Variants in DNAH12 observed in about 807,000 individuals in gnomAD.
DNAH12 encodes axonemal beta dynein heavy chain 12.
DNAH12 carries 285 observed loss-of-function variants against 371.5 expected under a neutral mutation model. That is an observed-to-expected ratio of 0.77 (90% confidence interval 0.70 to 0.85). The LOEUF (loss-of-function observed/expected upper bound fraction) is 0.85. DNAH12 is among the 40% of genes least tolerant of loss of function. The pLI is 0.00. For synonymous variants in DNAH12, 1,200 were observed against 1,213.0 expected (o/e 0.99, Z 0.22); for missense variants, 3,611 against 3,689.4 (o/e 0.98, Z 0.55).
At chr3:57,480,098 T>C (rs373309514) in intron 13 of DNAH12, among the ~76,000 whole-genome samples, 2 of 151,612 alleles carry the variant, frequency 1.3e-5, no homozygotes, top group South Asian at 2.1e-4. Flanking sequence ...AATAGAGACA[T>C]AAAAAACCCT....
intron 66 of DNAH12, among the ~76,000 whole-genome samples, chr3:57,312,131 GA>G (rs1425608736): frequency 1.3e-5 from 2 of 152,030 alleles, no homozygotes; most frequent in African/African-American, 4.8e-5. Flanking sequence ...ATGCACAGTT[GA>G]GAAAAAAATA....
intron 44 of DNAH12, among the ~76,000 whole-genome samples, chr3:57,392,423 A>T (rs1168922500): frequency 6.6e-6 from 1 of 152,200 alleles, no homozygotes; most frequent in Admixed American, 6.5e-5. Flanking sequence ...TCCACATATT[A>T]GCATTTTATA....
At chr3:57,430,843 A>G (rs1470258018) in intron 32 of DNAH12, among the ~76,000 whole-genome samples, 6 of 152,186 alleles carry the variant, frequency 3.9e-5, no homozygotes, top group Non-Finnish European at 2.9e-5. Context: ...TCCGTTTCTT[A>G]GCTGTAAAAT....
rs1418061336 is a variant in DNAH12 at position 57,538,829 on chromosome 3, A to G, written c.170+3872T>C. ...ATGCTGGTGACTCCCAAATTTTTAC[A>G]TCTCCAGCCTAGACTTCTTCTCTTA... On this transcript the variant is annotated intron_variant, in intron 2 of 73. Coordinates refer to ENST00000495027, the MANE Select transcript of DNAH12 (RefSeq NM_001366028.2). 3.3e-5 allele frequency among the ~76,000 whole-genome samples: 5 copies of G among 152,296 alleles called. No homozygotes were observed. In the East Asian group the frequency reaches 5.8e-4, roughly 18 times the overall value.
chr3:57,491,707 A>C (rs924056578), intron 11 of DNAH12, among the ~76,000 whole-genome samples: 2 of 152,024 alleles, frequency 1.3e-5, no homozygotes, highest in African/African-American at 4.8e-5. Flanking sequence ...AGACTGAGAC[A>C]GGAGGATTGC....
intron 69 of DNAH12, among the ~76,000 whole-genome samples, chr3:57,304,137 C>T (rs1178931537): frequency 6.6e-6 from 1 of 151,648 alleles, no homozygotes; most frequent in Non-Finnish European, 1.5e-5. Flanking sequence ...TAAAACGGCC[C>T]CACCCCATCT....
At chr3:57,458,315 G>A in intron 20 of DNAH12, 95 bp from the exon 21 acceptor site, 3 of 1,309,866 alleles carry the variant, frequency 2.3e-6, no homozygotes, top group Non-Finnish European at 3.0e-6. Flanking sequence ...ATCTTTTAAT[G>A]TTAAAAGGTT....
intron 16 of DNAH12, among the ~76,000 whole-genome samples, chr3:57,469,606 TA>T (rs2066310694): frequency 1.3e-5 from 2 of 152,074 alleles, no homozygotes; most frequent in Admixed American, 1.3e-4. Context: ...GTGGATTGAA[TA>T]AAAAAAATTT....
chr3:57,312,061 T>C (rs2061594145), intron 66 of DNAH12, among the ~76,000 whole-genome samples: 1 of 152,172 alleles, frequency 6.6e-6, no homozygotes, highest in African/African-American at 2.4e-5. Context: ...ATAGTATGTG[T>C]ATTGGGATGG....
rs2064495967 is a variant in DNAH12 at position 57,419,474 on chromosome 3, TTTAA to T, written c.5603_5606del (p.Ile1868LysfsTer5). ...TTTGTTTATCTCCTAAATTAGTATT[TTTAA>T]TTAATTCATTCCAATGGACCCAGCG... is the stretch of plus-strand genomic sequence containing the variant. On this transcript the variant is annotated frameshift_variant, in exon 37 of 74. Coordinates refer to ENST00000495027, the MANE Select transcript of DNAH12 (RefSeq NM_001366028.2). LOFTEE classifies it high-confidence loss of function. The T allele has an allele frequency of 6.7e-7, 1 of 1,487,828 alleles. No individual in the cohort carries two copies. The highest frequency in any genetic ancestry group is 8.9e-7 in the Non-Finnish European group (1 of 1,120,928). The allele number at this position is 1,487,828 out of a possible 1,614,324, so 92.2% of individuals were successfully genotyped here. A position where few individuals can be genotyped will look rare whatever the true frequency, so the allele number is the denominator to read the frequency against.
intron 35 of DNAH12, among the ~76,000 whole-genome samples, chr3:57,424,549 G>A (rs537311994): frequency 1.3e-4 from 19 of 151,844 alleles, no homozygotes; most frequent in African/African-American, 3.4e-4. Context: ...AGGCCGATGC[G>A]GGTGGATCAC....
intron 55 of DNAH12, among the ~76,000 whole-genome samples, chr3:57,371,962 A>AAAAAAAAAAAAAAAAAAAAAAG (rs2063183357): frequency 6.8e-6 from 1 of 146,452 alleles, no homozygotes; most frequent in Non-Finnish European, 1.5e-5. Flanking sequence ...AAAAAAAAAA[A>AAAAAAAAAAAAAAAAAAAAAAG]AAATTCTTTC....
chr3:57,502,554 T>TC (rs2067591161), intron 9 of DNAH12, 75 bp from the exon 10 acceptor site: 94 of 1,437,894 alleles, frequency 6.5e-5, no homozygotes, highest in Middle Eastern at 2.0e-4. Context: ...GTAGATCTTT[T>TC]TTTTTTTCCT....
rs1553674309 is a variant in DNAH12 at position 57,389,839 on chromosome 3, T to TAA, written c.7305+2031_7305+2032dup. 2.2e-4 allele frequency among the ~76,000 whole-genome samples: 19 copies of TAA among 84,898 alleles called. 3 individuals are homozygous for TAA. In the East Asian group the frequency reaches 4.5e-3, roughly 20 times the overall value. The allele number at this position is 84,898 out of a possible 152,430, so 55.7% of individuals were successfully genotyped here. A position where few individuals can be genotyped will look rare whatever the true frequency, so the allele number is the denominator to read the frequency against. Reference sequence around the variant, plus strand: ...GTGTGTGTGTATATATATATATATATAATACTTTTTTTTTTGAAATGGAGT... The same window carrying TAA: ...GTGTGTGTGTATATATATATATATATAAAATACTTTTTTTTTTGAAATGGAGT... On this transcript the variant is annotated intron_variant, in intron 45 of 73. Coordinates refer to ENST00000495027, the MANE Select transcript of DNAH12 (RefSeq NM_001366028.2).
chr3:57,523,921 A>C, intron 2 of DNAH12, 37 bp from the exon 3 acceptor site: 1 of 1,407,712 alleles, frequency 7.1e-7, no homozygotes, highest in Non-Finnish European at 9.8e-7. Flanking sequence ...TCTCTTGATA[A>C]CATTAGCATA....
intron 11 of DNAH12, among the ~76,000 whole-genome samples, chr3:57,496,595 T>A (rs1179644902): frequency 6.6e-6 from 1 of 152,152 alleles, no homozygotes; most frequent in Non-Finnish European, 1.5e-5. Flanking sequence ...ATATTTCCCA[T>A]AAGACCATAA....
chr3:57,450,143 G>A (rs2065710311), intron 25 of DNAH12, among the ~76,000 whole-genome samples: 1 of 151,996 alleles, frequency 6.6e-6, no homozygotes, highest in Non-Finnish European at 1.5e-5. Context: ...AGCTATTTGG[G>A]AGGCTGAGGC....
chr3:57,490,125 A>ATT (rs2067066949), intron 11 of DNAH12, among the ~76,000 whole-genome samples: 1 of 152,178 alleles, frequency 6.6e-6, no homozygotes, highest in South Asian at 2.1e-4. Context: ...ATTCTAATTC[A>ATT]ACCTTTAGGA....
intron 60 of DNAH12, among the ~76,000 whole-genome samples, chr3:57,338,364 C>A (rs781991789): frequency 1.3e-5 from 2 of 152,110 alleles, no homozygotes; most frequent in Non-Finnish European, 2.9e-5. Flanking sequence ...CCGGCTGCCC[C>A]GTCTGGGATG....
Sources: allele counts gnomAD v4.1 joint callset (sites outside exome capture counted in the v4.1 genomes callset), GRCh38; gene constraint gnomAD v4.1.1; transcripts MANE v1.5; gene names NCBI Gene and HGNC (gene_info 2026-07-23, HGNC 2026-07-21).